ANXA13: variants seen among roughly 807,000 people sequenced by gnomAD.
The protein encoded by ANXA13 is annexin A13, also known as annexin XIII.
A neutral mutation model predicts 46.6 loss-of-function variants in ANXA13; 36 were observed. The observed-to-expected ratio is 0.77, with a 90% CI of 0.59 to 1.02. The LOEUF (loss-of-function observed/expected upper bound fraction) is 1.02. Ranked by LOEUF, ANXA13 falls within the 50% of genes least tolerant of loss-of-function variation. ANXA13 has a pLI of 0.00. For synonymous variants in ANXA13, 163 were observed against 152.9 expected (o/e 1.07, Z -0.49); for missense variants, 417 against 396.5 (o/e 1.05, Z -0.44).
At chr8:123,703,653 A>G (rs534769974) in intron 2 of ANXA13, among the ~76,000 whole-genome samples, 27 of 152,214 alleles carry the variant, frequency 1.8e-4, no homozygotes, top group Admixed American at 9.2e-4. Flanking sequence ...TGTTAATCTC[A>G]GGAGAGAAGT....
At chr8:123,700,301 G>T (rs191804254) in intron 3 of ANXA13, among the ~76,000 whole-genome samples, 25 of 152,314 alleles carry the variant, frequency 1.6e-4, no homozygotes, top group Non-Finnish European at 5.9e-5. Flanking sequence ...ACAAGCCACA[G>T]GCATAAAAAC....
intron 1 of ANXA13, among the ~76,000 whole-genome samples, chr8:123,731,428 ATGCAATGAATGCAT>A (rs1219534034): frequency 6.6e-6 from 1 of 152,242 alleles, no homozygotes; most frequent in African/African-American, 2.4e-5. Context: ...TATTTAGAAA[ATGCAATGAATGCAT>A]TGATGAATTT....
chr8:123,733,023 C>T (rs1276237003), intron 1 of ANXA13, among the ~76,000 whole-genome samples: 1 of 151,890 alleles, frequency 6.6e-6, no homozygotes, highest in Non-Finnish European at 1.5e-5. Flanking sequence ...ATTAGCTGGG[C>T]ATGATGGCAC....
intron 1 of ANXA13, among the ~76,000 whole-genome samples, chr8:123,715,968 G>C (rs761973707): frequency 2.6e-5 from 4 of 152,304 alleles, no homozygotes; most frequent in African/African-American, 4.8e-5. Context: ...AAAAAACCTA[G>C]TAAATAAGTG....
chr8:123,684,072 G>A (rs1369173849), intron 10 of ANXA13, among the ~76,000 whole-genome samples: 1 of 152,148 alleles, frequency 6.6e-6, no homozygotes, highest in Non-Finnish European at 1.5e-5. Context: ...ATTATCTCTG[G>A]TGTTAACATT....
At chr8:123,732,960 C>T (rs1286854050) in intron 1 of ANXA13, among the ~76,000 whole-genome samples, 1 of 151,988 alleles carries the variant, frequency 6.6e-6, no homozygotes, top group Admixed American at 6.6e-5. Flanking sequence ...ATCGCTTGAG[C>T]CCAGGAGTTT....
At chr8:123,735,564 T>C (rs1814242039) in intron 1 of ANXA13, among the ~76,000 whole-genome samples, 1 of 152,190 alleles carries the variant, frequency 6.6e-6, no homozygotes, top group Admixed American at 6.5e-5. Context: ...CTAGAAGAGT[T>C]CATTTTTACA....
At chr8:123,697,423 G>C (rs964431514) in intron 4 of ANXA13, among the ~76,000 whole-genome samples, 1 of 152,132 alleles carries the variant, frequency 6.6e-6, no homozygotes, top group African/African-American at 2.4e-5. Context: ...CCTTGAAATG[G>C]AGGATTTTTA....
At position 123,693,770 on chromosome 8, in the gene ANXA13, T is replaced by G. The variant is rs1273928498; in HGVS notation, c.481A>C (p.Asn161His). The change falls in exon 7 of 11, where the codon AAT becomes CAT. Residue 161 changes from asparagine to histidine, a missense_variant. Coordinates refer to ENST00000419625, the MANE Select transcript of ANXA13 (RefSeq NM_004306.4). ...TCTTTGTCCACGTCATCTCCTTCAT[T>G]GCGATTAGCCTAGAAAAATTGACAC... ...ILVSLLQANR[N>H]EGDDVDKDLA... is the part of the protein sequence containing the mutation. 6.2e-7 allele frequency: 1 copy of G among 1,614,100 alleles called. No homozygotes were observed. Among genetic ancestry groups the G allele is most frequent in the Non-Finnish European group, 8.5e-7 (1 of 1,179,966 alleles).
intron 3 of ANXA13, among the ~76,000 whole-genome samples, chr8:123,699,380 G>T (rs1034372516): frequency 3.3e-5 from 5 of 152,082 alleles, no homozygotes; most frequent in African/African-American, 1.2e-4. Context: ...ATGGGGTTTT[G>T]CCATGTTGTC....
intron 8 of ANXA13, among the ~76,000 whole-genome samples, chr8:123,691,742 C>A (rs752191017): frequency 4.1e-4 from 63 of 152,174 alleles, no homozygotes; most frequent in Non-Finnish European, 6.3e-4. Flanking sequence ...GGCCCTAGCC[C>A]CGGGGAATCT....
At chr8:123,719,849 G>A (rs1813828376) in intron 1 of ANXA13, among the ~76,000 whole-genome samples, 2 of 152,284 alleles carry the variant, frequency 1.3e-5, no homozygotes, top group African/African-American at 4.8e-5. Flanking sequence ...GCTGATTCAC[G>A]TCTCTGAGCC....
At chr8:123,705,049 C>T (rs1160294103) in intron 2 of ANXA13, among the ~76,000 whole-genome samples, 1 of 152,186 alleles carries the variant, frequency 6.6e-6, no homozygotes, top group Admixed American at 6.5e-5. Flanking sequence ...ATCCTTAAAT[C>T]CACTCCTCAT....
intron 1 of ANXA13, chr8:123,735,746 A>T: frequency 6.2e-7 from 1 of 1,606,350 alleles, no homozygotes; most frequent in South Asian, 1.1e-5. Flanking sequence ...GGGAAAATAA[A>T]GTGCTTACAG....
intron 1 of ANXA13, among the ~76,000 whole-genome samples, chr8:123,713,901 C>A (rs1446808380): frequency 1.3e-5 from 2 of 152,048 alleles, no homozygotes; most frequent in African/African-American, 4.8e-5. Flanking sequence ...GCCATGTTTC[C>A]CAGGCTGGTC....
At chr8:123,717,961 C>T (rs1311259229) in intron 1 of ANXA13, among the ~76,000 whole-genome samples, 2 of 152,244 alleles carry the variant, frequency 1.3e-5, no homozygotes, top group Admixed American at 1.3e-4. Context: ...GCTTGGGGCT[C>T]ACGCCCAGAC....
intron 1 of ANXA13, among the ~76,000 whole-genome samples, chr8:123,718,553 T>C (rs1446124284): frequency 1.3e-5 from 2 of 152,188 alleles, no homozygotes; most frequent in Non-Finnish European, 2.9e-5. Context: ...AGGTCCAAAA[T>C]GGAAGCAAGT....
chr8:123,680,930 C>A lies in ANXA13; in HGVS notation c.*310G>T. ...GCATATCCTTCTAAATGTGCCATTA[C>A]AAATGCATAGTTTTTTCATCAACTG... On this transcript the variant is annotated 3_prime_UTR_variant, in exon 11 of 11. Transcript: ENST00000419625. The A allele has an allele frequency of 3.8e-6, 1 of 261,888 alleles. No homozygotes were observed. Among genetic ancestry groups the A allele is most frequent in the Non-Finnish European group, 7.3e-6 (1 of 137,810 alleles). The allele number at this position is 261,888 out of a possible 1,614,324, so 16.2% of individuals were successfully genotyped here. A position where few individuals can be genotyped will look rare whatever the true frequency, so the allele number is the denominator to read the frequency against.
intron 3 of ANXA13, among the ~76,000 whole-genome samples, chr8:123,699,458 A>G (rs1331201941): frequency 6.6e-6 from 1 of 152,226 alleles, no homozygotes; most frequent in Non-Finnish European, 1.5e-5. Context: ...CTGGGATTAT[A>G]GGCGTGAGCC....
Sources: allele counts gnomAD v4.1 joint callset (sites outside exome capture counted in the v4.1 genomes callset), GRCh38; gene constraint gnomAD v4.1.1; transcripts MANE v1.5; gene names NCBI Gene and HGNC (gene_info 2026-07-23, HGNC 2026-07-21).